Variants in STON2 observed in about 807,000 individuals in gnomAD.
STON2 encodes stonin-2.
STON2 carries 29 observed loss-of-function variants against 65.7 expected under a neutral mutation model. The observed-to-expected ratio is 0.44, with a 90% CI of 0.33 to 0.60. The LOEUF (loss-of-function observed/expected upper bound fraction) is 0.60. Ranked by LOEUF, STON2 falls within the 20% of genes least tolerant of loss-of-function variation. STON2 has a pLI of 0.03. For synonymous variants in STON2, 404 were observed against 414.2 expected, an observed-to-expected ratio of 0.98 and a Z score of 0.30; for missense variants, 1,054 against 1,118.1, an observed-to-expected ratio of 0.94 and a Z score of 0.82.
chr14:81,417,559 C>G (rs912770027), intron 2 of STON2, among the ~76,000 whole-genome samples: 4 of 152,136 alleles, frequency 2.6e-5, no homozygotes, highest in African/African-American at 9.7e-5. Flanking sequence ...CAATACATAC[C>G]CTAAGGAAAC....
At chr14:81,303,900 G>C (rs1465268317) in intron 5 of STON2, among the ~76,000 whole-genome samples, 1 of 152,086 alleles carries the variant, frequency 6.6e-6, no homozygotes, top group African/African-American at 2.4e-5. Context: ...TTTCACAGTT[G>C]AGCACATGCA....
intron 4 of STON2, among the ~76,000 whole-genome samples, chr14:81,331,458 C>T (rs1358483943): frequency 6.6e-6 from 1 of 152,308 alleles, no homozygotes; most frequent in Non-Finnish European, 1.5e-5. Flanking sequence ...GTGTCAGTGA[C>T]TCCAGCATAG....
Position 81,265,252 on chromosome 14 carries a change from T to C in STON2, c.*3162A>G, listed in dbSNP as rs2140085609. ...AACACTCATTACGTCTAAAAATATATAGTATTATTATCCCCAAACCCCTAA... is the reference window on the plus strand; with the variant it reads ...AACACTCATTACGTCTAAAAATATACAGTATTATTATCCCCAAACCCCTAA... On this transcript the variant is annotated 3_prime_UTR_variant, in exon 8 of 8. Transcript: ENST00000614646. 1.0e-6 allele frequency: 1 copy of C among 983,712 alleles called. No individual in the cohort carries two copies. Among genetic ancestry groups the C allele is most frequent in the Non-Finnish European group, 1.2e-6 (1 of 828,396 alleles). The allele number at this position is 983,712 out of a possible 1,614,324, so 60.9% of individuals were successfully genotyped here. A position where few individuals can be genotyped will look rare whatever the true frequency, so the allele number is the denominator to read the frequency against.
In STON2 at chr14:81,264,759, T is replaced by C; in HGVS notation, c.*3655A>G. ...GAGCCAAATAGAAAAAATGAAACTGTCCAGATAATATTTAATATGAATGAA... is the reference window on the plus strand; with the variant it reads ...GAGCCAAATAGAAAAAATGAAACTGCCCAGATAATATTTAATATGAATGAA... On this transcript the variant is annotated 3_prime_UTR_variant, in exon 8 of 8. Coordinates refer to ENST00000614646, the MANE Select transcript of STON2 (RefSeq NM_001394390.1). The C allele has an allele frequency of 1.0e-6, 1 of 985,282 alleles. No individual in the cohort carries two copies. Among genetic ancestry groups the C allele is most frequent in the Non-Finnish European group, 1.2e-6 (1 of 829,902 alleles). The allele number at this position is 985,282 out of a possible 1,614,324, so 61.0% of individuals were successfully genotyped here.
rs1260992727 is a variant in STON2, at chr14:81,264,752, G to C, written c.*3662C>G. On this transcript the variant is annotated 3_prime_UTR_variant, in exon 8 of 8. Transcript: ENST00000614646. The stretch of plus-strand genomic sequence containing the variant: ...AAGGGAAGAGCCAAATAGAAAAAAT[G>C]AAACTGTCCAGATAATATTTAATAT... The C allele has an allele frequency of 7.1e-6, 7 of 985,268 alleles. No individual in the cohort carries two copies. Among genetic ancestry groups the C allele is most frequent in the African/African-American group, 1.7e-5 (1 of 57,228 alleles). 61.0% of individuals were successfully genotyped at this position (985,268 alleles called of 1,614,324 possible). A position where few individuals can be genotyped will look rare whatever the true frequency, so the allele number is the denominator to read the frequency against.
chr14:81,375,209 G>T (rs954171523), intron 3 of STON2, among the ~76,000 whole-genome samples: 12 of 151,734 alleles, frequency 7.9e-5, no homozygotes, highest in Non-Finnish European at 1.3e-4. Context: ...GAAATAAAAG[G>T]AATGTAAGAG....
In STON2 at chr14:81,277,721, C is replaced by A. The variant is rs1166029742; in HGVS notation, c.1761G>T (p.Leu587=). 6 of 1,614,032 alleles carry A rather than the reference C, an allele frequency of 3.7e-6. No individual in the cohort carries two copies. The highest frequency in any genetic ancestry group is 2.5e-6 in the Non-Finnish European group (3 of 1,180,032). Residue 587 remains leucine (L), a synonymous_variant, in exon 6 of 8, where the codon CTG becomes CTT. Coordinates refer to ENST00000614646, the MANE Select transcript of STON2 (RefSeq NM_001394390.1). ...GGAAGTCATCGTAATTGGTGGTGCC[C>A]AGCTTAATCACCTGTTCCCTCTCTG... The part of the protein sequence containing the change: ...HTAEREQVIK[L]GTTNYDDFLS...
chr14:81,265,142 A>G lies in STON2; in HGVS notation c.*3272T>C. On this transcript the variant is annotated 3_prime_UTR_variant, in exon 8 of 8. Transcript: ENST00000614646. ...AGTAGAATCTGCATATCCACAGGTA[A>G]TTTGCCCAACTGTTTTCTATGTAGG... The G allele has an allele frequency of 1.0e-6, 1 of 985,122 alleles. No homozygotes were observed. The highest frequency in any genetic ancestry group is 1.2e-6 in the Non-Finnish European group (1 of 829,882). 61.0% of individuals were successfully genotyped at this position (985,122 alleles called of 1,614,324 possible).
At chr14:81,370,661 T>C (rs1426214532) in intron 4 of STON2, among the ~76,000 whole-genome samples, 1 of 152,226 alleles carries the variant, frequency 6.6e-6, no homozygotes, top group Non-Finnish European at 1.5e-5. Flanking sequence ...GCCTTGTGCA[T>C]ATTTACACAC....
At chr14:81,416,356 AAAG>A (rs1462802480) in intron 2 of STON2, among the ~76,000 whole-genome samples, 5 of 152,344 alleles carry the variant, frequency 3.3e-5, no homozygotes, top group Middle Eastern at 6.8e-3. Flanking sequence ...GTGAAAGTGC[AAAG>A]AAGGAGGAGA....
intron 2 of STON2, among the ~76,000 whole-genome samples, chr14:81,421,544 T>C (rs1432890535): frequency 6.6e-6 from 1 of 152,096 alleles, no homozygotes; most frequent in African/African-American, 2.4e-5. Flanking sequence ...AGATGGGGGA[T>C]AGAGAGGAAA....
rs1381648885 is a variant in STON2, at chr14:81,270,703, C to G, written c.2751G>C (p.Lys917Asn). ...TGTAGTGTGCAGAATAATTGACCCA[C>G]TTCCTGACGTCAGTCTTGTCTTCTA... ...ISVEDKTDVR[K>N]WVNYSAHYSY... is the part of the protein sequence containing the mutation. The change falls in exon 7 of 8, where the codon AAG becomes AAC. Residue 917 changes from lysine (K) to asparagine (N), a missense_variant. Transcript: ENST00000614646. 6.2e-7 allele frequency: 1 copy of G among 1,614,208 alleles called. No individual in the cohort carries two copies. The highest frequency in any genetic ancestry group is 2.2e-5 in the East Asian group (1 of 44,870).
At chr14:81,391,437 TGTGGGGGCAGGA>T (rs1900072208) in intron 3 of STON2, among the ~76,000 whole-genome samples, 1 of 152,144 alleles carries the variant, frequency 6.6e-6, no homozygotes, top group Non-Finnish European at 1.5e-5. Flanking sequence ...TTATCCATTA[TGTGGGGGCAGGA>T]GTGGGGGGCT....
chr14:81,418,933 C>T (rs17639118), intron 2 of STON2, among the ~76,000 whole-genome samples: 3,490 of 152,204 alleles, frequency 0.023, 73 homozygotes, highest in South Asian at 0.083. Context: ...ATCATGCCTT[C>T]CCACCCTTTT....
At chr14:81,291,322 C>T (rs902385241) in intron 5 of STON2, among the ~76,000 whole-genome samples, 1 of 152,002 alleles carries the variant, frequency 6.6e-6, no homozygotes, top group African/African-American at 2.4e-5. Context: ...TATGGATATA[C>T]CAAAGAAGTA....
chr14:81,305,958 A>G lies in STON2; in HGVS notation c.742+18059T>C, dbSNP rs542318071. On this transcript the variant is annotated intron_variant, in intron 5 of 7. Transcript: ENST00000614646. ...CTCATTCATGAAGATAGTGGTACTCAGCAAAAACCAGCTATAACTCCTTGC... is the reference window on the plus strand; with the variant it reads ...CTCATTCATGAAGATAGTGGTACTCGGCAAAAACCAGCTATAACTCCTTGC... Among the ~76,000 whole-genome samples the G allele has an allele frequency of 6.6e-5, 10 of 152,116 alleles. No individual in the cohort carries two copies. In the South Asian group the frequency reaches 1.9e-3, roughly 28 times the overall value.
Position 81,370,882 on chromosome 14 carries a change from T to C in STON2, c.571+106A>G, listed in dbSNP as rs1898953226. 3.8e-6 allele frequency: 4 copies of C among 1,044,296 alleles called. No homozygotes were observed. In the South Asian group the frequency reaches 6.1e-5, roughly 16 times the overall value. The allele number at this position is 1,044,296 out of a possible 1,614,324, so 64.7% of individuals were successfully genotyped here. ...GACTGGATAACAACACCTGAACTCA[T>C]TCTGCAAAGGAAGCCAGCTGCAGCA... On this transcript the variant is annotated intron_variant, in intron 4 of 7. Coordinates refer to ENST00000614646, the MANE Select transcript of STON2 (RefSeq NM_001394390.1).
chr14:81,401,078 G>A (rs191429958), upstream of STON2, among the ~76,000 whole-genome samples: 106 of 152,274 alleles, frequency 7.0e-4, no homozygotes, highest in Middle Eastern at 3.4e-3. Context: ...CCAACGTTGC[G>A]TAACTTGTTC....
At chr14:81,268,705 C>T (rs1894454377) in intron 7 of STON2, 5 of 908,960 alleles carry the variant, frequency 5.5e-6, no homozygotes, top group South Asian at 5.1e-5. Flanking sequence ...ATTCCCTTTC[C>T]CTCATGGTCC....
Sources: allele counts gnomAD v4.1 joint callset (sites outside exome capture counted in the v4.1 genomes callset), GRCh38; gene constraint gnomAD v4.1.1; transcripts MANE v1.5; gene names NCBI Gene and HGNC (gene_info 2026-07-23, HGNC 2026-07-21).